Variants in RBM33 observed in about 807,000 individuals in gnomAD.
The protein encoded by RBM33 is RNA binding motif protein 33.
In RBM33, 28 loss-of-function variants were observed where a neutral mutation model predicts 132.6. The observed-to-expected ratio is 0.21, with a 90% CI of 0.16 to 0.29. RBM33 has a LOEUF of 0.29. RBM33 is among the 10% of genes least tolerant of loss of function. The probability of loss-of-function intolerance (pLI) is 1.00; values close to 1 mark genes in which losing one functional copy is unlikely to be tolerated. For synonymous variants in RBM33, 634 were observed against 593.0 expected (o/e 1.07, Z -1.01); for missense variants, 1,291 against 1,518.5 (o/e 0.85, Z 2.49).
intron 6 of RBM33, among the ~76,000 whole-genome samples, chr7:155,705,819 G>T (rs1356268787): frequency 6.6e-6 from 1 of 152,180 alleles, no homozygotes; most frequent in Non-Finnish European, 1.5e-5. Flanking sequence ...AAAGCATTGG[G>T]CAGAGCAGTG....
intron 15 of RBM33, 35 bp downstream of exon 15, chr7:155,764,053 C>T (rs371640612): frequency 3.7e-5 from 54 of 1,464,092 alleles, no homozygotes; most frequent in African/African-American, 1.1e-4. Flanking sequence ...GCCCTGGAAA[C>T]GCGAAGGCCG....
chr7:155,694,673 CAT>C (rs1799743186), intron 5 of RBM33, among the ~76,000 whole-genome samples: 1 of 152,142 alleles, frequency 6.6e-6, no homozygotes, highest in South Asian at 2.1e-4. Context: ...TAAATGTAGT[CAT>C]ATAGTGTGTG....
At chr7:155,738,819 T>C (rs967615409) in intron 11 of RBM33, 1 of 174,506 alleles carries the variant, frequency 5.7e-6, no homozygotes, top group African/African-American at 2.4e-5. Flanking sequence ...TGCTGTTCAC[T>C]GGTTATTTGA....
chr7:155,667,417 A>G (rs1270186382), intron 2 of RBM33, among the ~76,000 whole-genome samples: 1 of 151,900 alleles, frequency 6.6e-6, no homozygotes, highest in Non-Finnish European at 1.5e-5. Context: ...GCCCAGTTGT[A>G]TTTTTATTCT....
At chr7:155,725,595 G>A (rs1177737060) in intron 9 of RBM33, among the ~76,000 whole-genome samples, 1 of 152,132 alleles carries the variant, frequency 6.6e-6, no homozygotes, top group African/African-American at 2.4e-5. Flanking sequence ...GCTATAGCAG[G>A]GCCAGTCATT....
intron 8 of RBM33, among the ~76,000 whole-genome samples, chr7:155,716,316 G>GTTTTTTTTTTTTTTTTTTTTTTTTTTT (rs59289310): frequency 3.9e-5 from 4 of 102,372 alleles, no homozygotes; most frequent in African/African-American, 1.2e-4. Flanking sequence ...CTTTTCTGCT[G>GTTTTTTTTTTTTTTTTTTTTTTTTTTT]TTTTTTTTTT....
Position 155,644,803 on chromosome 7 carries a change from C to A in RBM33, c.-74C>A. 7.8e-7 allele frequency: 1 copy of A among 1,276,758 alleles called. No individual in the cohort carries two copies. The highest frequency in any genetic ancestry group is 1.0e-6 in the Non-Finnish European group (1 of 967,154). The allele number at this position is 1,276,758 out of a possible 1,614,324, so 79.1% of individuals were successfully genotyped here. A position where few individuals can be genotyped will look rare whatever the true frequency, so the allele number is the denominator to read the frequency against. On this transcript the variant is annotated 5_prime_UTR_variant, in exon 1 of 18. Transcript: ENST00000401878. ...TTCTCTGTCCTCCGTCACCCGTACC[C>A]GGGCCCGGACCAGGCACGTCGGCCC...
chr7:155,705,491 ATATAAACAATT>A, intron 6 of RBM33, among the ~76,000 whole-genome samples: 1 of 152,316 alleles, frequency 6.6e-6, no homozygotes, highest in African/African-American at 2.4e-5. Flanking sequence ...GAGGGGTACC[ATATAAACAATT>A]TCAAGAAAAA....
intron 1 of RBM33, among the ~76,000 whole-genome samples, chr7:155,647,450 A>T (rs935041160): frequency 2.6e-5 from 4 of 151,548 alleles, no homozygotes; most frequent in Admixed American, 6.6e-5. Context: ...TTTTTTTTTG[A>T]GACAGGGTCT....
intron 14 of RBM33, among the ~76,000 whole-genome samples, chr7:155,754,685 C>T (rs1801790882): frequency 2.0e-5 from 3 of 152,224 alleles, no homozygotes; most frequent in African/African-American, 7.2e-5. Flanking sequence ...CCAGGCCTAG[C>T]TAATGTCAGA....
At chr7:155,694,589 C>T (rs976889449) in intron 5 of RBM33, among the ~76,000 whole-genome samples, 7 of 152,206 alleles carry the variant, frequency 4.6e-5, no homozygotes. Context: ...TTTGTCTGTT[C>T]AGTCCTGACT....
chr7:155,709,097 C>T (rs1481874564), intron 7 of RBM33, among the ~76,000 whole-genome samples: 1 of 151,914 alleles, frequency 6.6e-6, no homozygotes, highest in African/African-American at 2.4e-5. Context: ...TTTGGATGTA[C>T]TCTCTTATCT....
intron 7 of RBM33, 52 bp from the exon 8 acceptor site, chr7:155,711,150 GT>G (rs200646328): frequency 1.9e-3 from 2,237 of 1,191,556 alleles, no homozygotes; most frequent in South Asian, 6.4e-3. Context: ...GTGAACTTTT[GT>G]TTTTTTTTTT....
Position 155,779,318 on chromosome 7 carries a change from G to T in RBM33, c.*4277G>T, listed in dbSNP as rs1030229619. ...ATTCTACCAGGGAGTTGACTGATAG[G>T]AGTGTGTGCAGGGCAGGAAAGGTTC... On this transcript the variant is annotated 3_prime_UTR_variant, in exon 18 of 18. Transcript: ENST00000401878. 2.6e-5 allele frequency: 4 copies of T among 152,108 alleles called. No homozygotes were observed. The highest frequency in any genetic ancestry group is 9.7e-5 in the African/African-American group (4 of 41,392). The allele number at this position is 152,108 out of a possible 1,614,324, so 9.4% of individuals were successfully genotyped here.
intron 3 of RBM33, among the ~76,000 whole-genome samples, chr7:155,677,213 CTTTTTTTCTTTTTTTTT>C (rs1171588546): frequency 1.0e-5 from 1 of 95,998 alleles, no homozygotes; most frequent in Non-Finnish European, 2.1e-5. Context: ...ACTTCATTTT[CTTTTTTTCTTTTTTTTT>C]TTTTTTGAGA....
rs1802576885 is a variant in RBM33, at chr7:155,775,526, T to G, written c.*485T>G. The G allele has an allele frequency of 5.5e-6, 1 of 182,286 alleles. No individual in the cohort carries two copies. Among genetic ancestry groups the G allele is most frequent in the South Asian group, 1.2e-4 (1 of 8,392 alleles). 11.3% of individuals were successfully genotyped at this position (182,286 alleles called of 1,614,324 possible). A position where few individuals can be genotyped will look rare whatever the true frequency, so the allele number is the denominator to read the frequency against. On this transcript the variant is annotated 3_prime_UTR_variant, in exon 18 of 18. Transcript: ENST00000401878. ...TGTCTTCTCAGCCCTCAAAAGGCTC[T>G]TGTACAAAATGTAGATTAAAATTTG...
chr7:155,701,782 G>C (rs895174896), intron 6 of RBM33, among the ~76,000 whole-genome samples: 7 of 152,030 alleles, frequency 4.6e-5, no homozygotes, highest in Non-Finnish European at 1.0e-4. Flanking sequence ...CCGCCTCCCA[G>C]GTTCAACTGA....
chr7:155,673,486 A>G (rs567605538), intron 3 of RBM33, among the ~76,000 whole-genome samples: 2 of 149,028 alleles, frequency 1.3e-5, no homozygotes, highest in Non-Finnish European at 3.0e-5. Flanking sequence ...ACGTGTGTAT[A>G]TATATACACA....
At chr7:155,673,768 G>GCGCGCGCGCACA (rs1554469952) in intron 3 of RBM33, among the ~76,000 whole-genome samples, 2 of 132,980 alleles carry the variant, frequency 1.5e-5, no homozygotes, top group African/African-American at 6.5e-5. Context: ...GCGCATGCGC[G>GCGCGCGCGCACA]CACACACACA....
Sources: gnomAD v4.1 joint callset for allele counts (sites outside exome capture counted in the v4.1 genomes callset) on GRCh38, gnomAD v4.1.1 for gene constraint, MANE v1.5 for transcripts, NCBI Gene and HGNC (gene_info 2026-07-23, HGNC 2026-07-21) for gene names.